GGTA1: variants seen among roughly 807,000 people sequenced by gnomAD.
The protein encoded by GGTA1 is inactive N-acetyllactosaminide alpha-1,3-galactosyltransferase.
Under a neutral mutation model 2.6 loss-of-function variants are expected in GGTA1, and 5 were observed. That is an observed-to-expected ratio of 1.92 (90% CI 1.00 to 4.04). The LOEUF is 4.04. Among genes scored for constraint, GGTA1 ranks in the 30% most tolerant of loss-of-function variants. GGTA1 has a pLI of 0.00. For synonymous variants in GGTA1, 17 were observed against 5.0 expected (o/e 3.38, Z -3.19); for missense variants, 50 against 16.7 (o/e 2.99, Z -3.47).
At chr9:121,457,264 G>A (rs2064919241) in intron 5 of GGTA1, among the ~76,000 whole-genome samples, 1 of 152,178 alleles carries the variant, frequency 6.6e-6, no homozygotes. Flanking sequence ...CTGGCCATGT[G>A]AGACATGCAG....
intron 1 of GGTA1, among the ~76,000 whole-genome samples, chr9:121,480,061 C>CTTTTCTTTTCTTTTTTT (rs58602847): frequency 2.1e-5 from 3 of 139,858 alleles, no homozygotes; most frequent in African/African-American, 5.2e-5. Context: ...CTTTTCTTTT[C>CTTTTCTTTTCTTTTTTT]TTTTTTTTTT....
At chr9:121,451,388 T>C (rs1020745075), downstream of GGTA1, among the ~76,000 whole-genome samples, 33 of 152,312 alleles carry the variant, frequency 2.2e-4, no homozygotes, top group African/African-American at 7.9e-4. Context: ...GGTTTCACCG[T>C]GTTAGCTAGG....
At chr9:121,447,159 C>T (rs1365573900) in exon 8 of GGTA1, 1 of 152,612 alleles carries the variant, frequency 6.6e-6, no homozygotes, top group African/African-American at 2.4e-5. Flanking sequence ...GGGTGTTCCT[C>T]CAGAAATGGC....
intron 2 of GGTA1, among the ~76,000 whole-genome samples, chr9:121,463,717 G>A (rs1201141630): frequency 6.6e-6 from 1 of 152,110 alleles, no homozygotes; most frequent in Non-Finnish European, 1.5e-5. Context: ...TTGTTTGTTT[G>A]TTTGCTCTTT....
intron 1 of GGTA1, among the ~76,000 whole-genome samples, chr9:121,470,900 G>C (rs1314493462): frequency 2.0e-5 from 3 of 152,258 alleles, no homozygotes; most frequent in Non-Finnish European, 4.4e-5. Flanking sequence ...TCAGTCTCCC[G>C]CATAGCGGGC....
At chr9:121,456,048 A>G (rs1279018941) in intron 5 of GGTA1, among the ~76,000 whole-genome samples, 1 of 152,034 alleles carries the variant, frequency 6.6e-6, no homozygotes, top group Non-Finnish European at 1.5e-5. Flanking sequence ...TCCTGGATGA[A>G]CCGCTGCATC....
chr9:121,498,513 A>G (rs1371182668), intron 1 of GGTA1, among the ~76,000 whole-genome samples: 1 of 152,146 alleles, frequency 6.6e-6, no homozygotes, highest in Non-Finnish European at 1.5e-5. Flanking sequence ...TTACTCAGAG[A>G]CTGGAAGGAA....
chr9:121,498,175 C>G (rs1375751867), intron 1 of GGTA1, among the ~76,000 whole-genome samples: 3 of 152,216 alleles, frequency 2.0e-5, no homozygotes, highest in Non-Finnish European at 4.4e-5. Flanking sequence ...GCCCTGTCCT[C>G]TAGGTTCCCC....
Position 121,480,496 on chromosome 9 carries a change from T to A in GGTA1, c.-9-12565A>T, listed in dbSNP as rs143893129. Among the ~76,000 whole-genome samples, 1,119 of 152,234 alleles carry A rather than the reference T, an allele frequency of 7.4e-3. 15 individuals carry two copies. Among genetic ancestry groups the A allele is most frequent in the African/African-American group, 0.026 (1,068 of 41,548 alleles). ...GGAAATGATGCTCAAAGCCCCTTCC[T>A]CATCCTCCCACGTGGCTGAGACATC... On this transcript the variant is annotated intron_variant, in intron 1 of 5. Transcript: ENST00000481799.
intron 1 of GGTA1, among the ~76,000 whole-genome samples, chr9:121,473,192 T>G (rs1287562110): frequency 1.3e-5 from 2 of 152,036 alleles, no homozygotes; most frequent in South Asian, 2.1e-4. Context: ...TTGCGGCACA[T>G]GCCTGTAATA....
At chr9:121,465,006 A>C (rs867561794) in intron 2 of GGTA1, among the ~76,000 whole-genome samples, 2,392 of 139,694 alleles carry the variant, frequency 0.017, 92 homozygotes, top group African/African-American at 0.063. Context: ...CAAAACAAAC[A>C]AAAAAAAAAA....
At chr9:121,468,086 A>C (rs1219094616) in intron 1 of GGTA1, among the ~76,000 whole-genome samples, 155 bp from the exon 2 acceptor site, 1 of 152,224 alleles carries the variant, frequency 6.6e-6, no homozygotes, top group Non-Finnish European at 1.5e-5. Context: ...CAGGTTTGTT[A>C]CATAGGTATA....
At chr9:121,494,494 G>A (rs933648232) in intron 1 of GGTA1, 4 of 152,332 alleles carry the variant, frequency 2.6e-5, no homozygotes, top group Admixed American at 6.5e-5. Flanking sequence ...AGAACTGAAA[G>A]GACTTTTAGA....
intron 2 of GGTA1, among the ~76,000 whole-genome samples, chr9:121,464,324 G>GTTTTTTTT (rs10681377): frequency 4.5e-5 from 5 of 111,870 alleles, no homozygotes; most frequent in Admixed American, 1.1e-4. Flanking sequence ...CCTCCTTGAG[G>GTTTTTTTT]TTTTTTTTTT....
intron 1 of GGTA1, among the ~76,000 whole-genome samples, chr9:121,480,806 A>G (rs1589335572): frequency 6.6e-6 from 1 of 152,322 alleles, no homozygotes; most frequent in East Asian, 1.9e-4. Flanking sequence ...TTCTGCTCCC[A>G]GTTCCACACC....
intron 2 of GGTA1, among the ~76,000 whole-genome samples, chr9:121,464,184 A>G (rs529671678): frequency 7.2e-5 from 11 of 152,314 alleles, no homozygotes; most frequent in African/African-American, 2.6e-4. Flanking sequence ...GCCTCCACTC[A>G]AATGCCACCT....
chr9:121,452,468 A>G (rs142370348), downstream of GGTA1, among the ~76,000 whole-genome samples: 39 of 152,238 alleles, frequency 2.6e-4, no homozygotes, highest in African/African-American at 9.4e-4. Context: ...TGGGTAAGGA[A>G]GATGAGGCTT....
Position 121,458,463 on chromosome 9 carries a change from C to T in GGTA1, c.298+1641G>A, listed in dbSNP as rs910949714. Among the ~76,000 whole-genome samples the T allele has an allele frequency of 2.6e-5, 4 of 151,334 alleles. No individual in the cohort carries two copies. The East Asian group carries it at 8.0e-4, about 30-fold the overall frequency. ...GCAACATGGCAAGACCCCGTTTCTACAAAAAATACAAAAATTAGCCAGGCG... is the reference window on the plus strand; with the variant it reads ...GCAACATGGCAAGACCCCGTTTCTATAAAAAATACAAAAATTAGCCAGGCG... On this transcript the variant is annotated intron_variant, in intron 5 of 5. Coordinates refer to ENST00000481799, the MANE Select transcript of GGTA1 (RefSeq NM_001382585.1).
At position 121,476,285 on chromosome 9, in the gene GGTA1, C is replaced by T. The variant is rs1828507562; in HGVS notation, c.-9-8354G>A. On this transcript the variant is annotated intron_variant, in intron 1 of 5. Transcript: ENST00000481799. This position sits in a 1 kb window ranked among gnomAD's most constrained non-coding sequence, Gnocchi z 4.6. Reference sequence around the variant, plus strand: ...AGGAACACGGCTCTGACCAGACCAGCTGCACCTCCATTTGCACCCCACCCC... The same window carrying T: ...AGGAACACGGCTCTGACCAGACCAGTTGCACCTCCATTTGCACCCCACCCC... 6.6e-6 allele frequency among the ~76,000 whole-genome samples: 1 copy of T among 152,130 alleles called. No homozygotes were observed. The highest frequency in any genetic ancestry group is 2.4e-5 in the African/African-American group (1 of 41,438).
Sources: gnomAD v4.1 joint callset for allele counts (sites outside exome capture counted in the v4.1 genomes callset) on GRCh38, gnomAD v4.1.1 for gene constraint, Gnocchi (gnomAD v3.1) non-coding constraint, MANE v1.5 for transcripts, NCBI Gene and HGNC (gene_info 2026-07-23, HGNC 2026-07-21) for gene names.